SGCZ: variants seen among roughly 807,000 people sequenced by gnomAD.
SGCZ encodes the protein zeta-sarcoglycan.
SGCZ carries 40 observed loss-of-function variants against 41.3 expected under a neutral mutation model. The ratio of observed to expected loss-of-function variants is 0.97; its 90% CI spans 0.75 to 1.26. The LOEUF (loss-of-function observed/expected upper bound fraction) is 1.26. SGCZ is among the 50% of genes most tolerant of loss of function. The pLI is 0.00. For synonymous variants in SGCZ, 206 were observed against 137.5 expected (o/e 1.50, Z -3.49); for missense variants, 552 against 369.8 (o/e 1.49, Z -4.04).
intron 1 of SGCZ, among the ~76,000 whole-genome samples, chr8:14,774,555 T>A (rs1029637173): frequency 1.3e-5 from 2 of 152,188 alleles, no homozygotes; most frequent in African/African-American, 4.8e-5. Flanking sequence ...TCAGTCTTTA[T>A]CAATCCTCAT....
chr8:15,176,926 A>G (rs755703580), intron 1 of SGCZ, among the ~76,000 whole-genome samples: 2 of 152,168 alleles, frequency 1.3e-5, no homozygotes, highest in Non-Finnish European at 2.9e-5. Context: ...GCGTGAACCC[A>G]GGAGGCAGAG....
At chr8:14,546,326 A>G (rs1240860279) in intron 2 of SGCZ, among the ~76,000 whole-genome samples, 2 of 152,154 alleles carry the variant, frequency 1.3e-5, no homozygotes, top group Non-Finnish European at 2.9e-5. Context: ...GCAGCTCAGA[A>G]AGGCGGGCAA....
At chr8:14,866,455 C>T (rs1205683445) in intron 1 of SGCZ, among the ~76,000 whole-genome samples, 1 of 152,092 alleles carries the variant, frequency 6.6e-6, no homozygotes, top group Non-Finnish European at 1.5e-5. Context: ...AAAAAACACA[C>T]ATCTATGTTT....
At chr8:14,115,906 A>T (rs764969569) in intron 5 of SGCZ, among the ~76,000 whole-genome samples, 2 of 151,976 alleles carry the variant, frequency 1.3e-5, no homozygotes, top group Non-Finnish European at 2.9e-5. Flanking sequence ...AAACAAAATG[A>T]CTTCCTACTG....
chr8:15,090,619 G>T (rs537923532), intron 1 of SGCZ, among the ~76,000 whole-genome samples: 1 of 151,946 alleles, frequency 6.6e-6, no homozygotes, highest in South Asian at 2.1e-4. Context: ...AAGATTAAGA[G>T]CCAGAGAAAC....
intron 4 of SGCZ, 27 bp downstream of exon 4, chr8:14,237,565 G>C (rs780063469): frequency 3.8e-6 from 6 of 1,599,166 alleles, no homozygotes; most frequent in Non-Finnish European, 5.1e-6. Flanking sequence ...AGCACAGTAG[G>C]AGCAATCTTT....
chr8:14,567,200 C>T (rs934215883), intron 1 of SGCZ, among the ~76,000 whole-genome samples: 1 of 152,200 alleles, frequency 6.6e-6, no homozygotes, highest in African/African-American at 2.4e-5. Context: ...TCCCATGGAT[C>T]GCCCAAGGGC....
chr8:15,060,457 G>A (rs1804881333), intron 1 of SGCZ, among the ~76,000 whole-genome samples: 1 of 143,890 alleles, frequency 6.9e-6, no homozygotes, highest in Non-Finnish European at 1.5e-5. Flanking sequence ...CTCATAGGTG[G>A]GAATTGAACA....
At chr8:14,445,360 C>A (rs910177868) in intron 2 of SGCZ, among the ~76,000 whole-genome samples, 7 of 152,172 alleles carry the variant, frequency 4.6e-5, no homozygotes, top group Admixed American at 6.6e-5. Flanking sequence ...AAGGCCTAAC[C>A]CACACCTATC....
At chr8:14,724,400 G>A (rs1190568839) in intron 1 of SGCZ, among the ~76,000 whole-genome samples, 1 of 151,602 alleles carries the variant, frequency 6.6e-6, no homozygotes, top group Non-Finnish European at 1.5e-5. Context: ...TAACATGATA[G>A]CCTCTACTGA....
chr8:15,143,241 G>C (rs1443806608), intron 1 of SGCZ, among the ~76,000 whole-genome samples: 1 of 152,150 alleles, frequency 6.6e-6, no homozygotes, highest in East Asian at 1.9e-4. Flanking sequence ...CCAGTAGAAT[G>C]AGTGTTCCAC....
chr8:14,625,020 T>C (rs1415502653), intron 1 of SGCZ, among the ~76,000 whole-genome samples: 1 of 152,166 alleles, frequency 6.6e-6, no homozygotes, highest in Non-Finnish European at 1.5e-5. Context: ...TTAGTCATTT[T>C]TTTTAATATT....
At chr8:14,816,290 T>A (rs1301699364) in intron 1 of SGCZ, among the ~76,000 whole-genome samples, 1 of 152,228 alleles carries the variant, frequency 6.6e-6, no homozygotes, top group Non-Finnish European at 1.5e-5. Flanking sequence ...CTGCCTGTTC[T>A]ATGCTCTGAT....
At chr8:15,099,100 G>T (rs1340047264) in intron 1 of SGCZ, among the ~76,000 whole-genome samples, 1 of 152,098 alleles carries the variant, frequency 6.6e-6, no homozygotes, top group East Asian at 1.9e-4. Flanking sequence ...GCCTCTGCAG[G>T]TTTTATTAAA....
At chr8:14,731,654 C>T (rs1810243112) in intron 1 of SGCZ, among the ~76,000 whole-genome samples, 1 of 152,114 alleles carries the variant, frequency 6.6e-6, no homozygotes, top group Admixed American at 6.6e-5. Flanking sequence ...TGTATGCCTC[C>T]TCCTACCTTT....
intron 1 of SGCZ, among the ~76,000 whole-genome samples, chr8:15,079,304 C>T (rs1805657095): frequency 6.6e-6 from 1 of 152,146 alleles, no homozygotes. Flanking sequence ...TTTACATGTT[C>T]AAAAACAGCC....
At chr8:14,570,749 T>C (rs563367732) in intron 1 of SGCZ, among the ~76,000 whole-genome samples, 32 of 152,268 alleles carry the variant, frequency 2.1e-4, no homozygotes, top group East Asian at 1.6e-3. Context: ...ATGAATAACC[T>C]AAGAGACTAT....
intron 1 of SGCZ, among the ~76,000 whole-genome samples, chr8:14,563,711 G>A (rs1434800973): frequency 3.9e-5 from 6 of 152,022 alleles, no homozygotes; most frequent in African/African-American, 1.4e-4. Context: ...TCATCAAGAA[G>A]ACAAAAAGAA....
intron 2 of SGCZ, among the ~76,000 whole-genome samples, chr8:14,406,720 G>C (rs1244823601): frequency 2.0e-5 from 3 of 151,948 alleles, no homozygotes; most frequent in Non-Finnish European, 2.9e-5. Context: ...CCCTTTCTAC[G>C]CAACAACATG....
Sources: allele counts gnomAD v4.1 joint callset (sites outside exome capture counted in the v4.1 genomes callset), GRCh38; gene constraint gnomAD v4.1.1; transcripts MANE v1.5; gene names NCBI Gene and HGNC (gene_info 2026-07-23, HGNC 2026-07-21).